Variants in CSF2RB observed in about 807,000 individuals in gnomAD.
The protein encoded by CSF2RB is colony stimulating factor 2 receptor subunit beta.
In CSF2RB, 22 loss-of-function variants were observed where a neutral mutation model predicts 67.2. That is an observed-to-expected ratio of 0.33 (90% confidence interval 0.23 to 0.47). The LOEUF (loss-of-function observed/expected upper bound fraction) is 0.47. CSF2RB is among the 20% of genes least tolerant of loss of function. The pLI, the probability that CSF2RB is intolerant of heterozygous loss-of-function variation, is 1.00. For synonymous variants in CSF2RB, 507 were observed against 482.9 expected (o/e 1.05, Z -0.65); for missense variants, 1,113 against 1,174.5 (o/e 0.95, Z 0.76).
chr22:36,930,727 G>A lies in CSF2RB; in HGVS notation c.909G>A (p.Arg303=), dbSNP rs756424237. 7 of 1,613,474 alleles carry A rather than the reference G, an allele frequency of 4.3e-6. No individual in the cohort carries two copies. The highest frequency in any genetic ancestry group is 1.7e-5 in the Admixed American group (1 of 60,018). Residue 303 remains arginine (R), a synonymous_variant, in exon 8 of 14, where the codon AGG becomes AGA. Coordinates refer to ENST00000403662, the MANE Select transcript of CSF2RB (RefSeq NM_000395.3). ...AGGGGCTCGGCAGCCTCCACACCAG[G>A]CACCACTGCCAGATTCCCGTGCCCG... is the stretch of plus-strand genomic sequence containing the variant. ...LREGLGSLHT[R]HHCQIPVPDP...
intron 1 of CSF2RB, among the ~76,000 whole-genome samples, chr22:36,921,313 GTCTGTGTCTGCC>G (rs1940863467): frequency 6.6e-6 from 1 of 151,616 alleles, no homozygotes; most frequent in African/African-American, 2.4e-5. Context: ...ATCTGTGTGT[GTCTGTGTCTGCC>G]TCTGTGTGTG....
At chr22:36,923,822 G>A (rs2086721723) in intron 3 of CSF2RB, 1 of 1,283,936 alleles carries the variant, frequency 7.8e-7, no homozygotes, top group South Asian at 1.2e-5. Flanking sequence ...CTGGAGGTGA[G>A]GTGCCAGCCC....
At chr22:36,935,256 G>T in intron 10 of CSF2RB, 95 bp from the exon 11 acceptor site, 1 of 1,117,680 alleles carries the variant, frequency 8.9e-7, no homozygotes. Context: ...CACAGAGCGG[G>T]GTCTTAAGGA....
chr22:36,917,734 C>G (rs1940756109), intron 1 of CSF2RB, among the ~76,000 whole-genome samples: 1 of 152,102 alleles, frequency 6.6e-6, no homozygotes, highest in African/African-American at 2.4e-5. Context: ...ACCAACCTGG[C>G]CAACATGGTG....
rs200225088 is a variant in CSF2RB at position 36,935,326 on chromosome 22, C to G, written c.1316-25C>G. 7.2e-5 allele frequency: 116 copies of G among 1,612,310 alleles called. 1 individual carries two copies. Among genetic ancestry groups the G allele is most frequent in the East Asian group, 4.7e-4 (21 of 44,878 alleles). On this transcript the variant is annotated intron_variant, in intron 10 of 13. Coordinates refer to ENST00000403662, the MANE Select transcript of CSF2RB (RefSeq NM_000395.3). The stretch of plus-strand genomic sequence containing the variant: ...GATTTCCCGCCCAGATGCTGACATT[C>G]CTCTTTCTCCCCGGCTGCTGGAAGT...
chr22:36,915,282 A>T (rs557188805), intron 1 of CSF2RB, among the ~76,000 whole-genome samples: 1 of 152,110 alleles, frequency 6.6e-6, no homozygotes, highest in African/African-American at 2.4e-5. Context: ...ACAGGGTTTC[A>T]CCATATTGGC....
intron 2 of CSF2RB, chr22:36,922,640 C>T: frequency 2.3e-6 from 1 of 427,440 alleles, no homozygotes. Context: ...TTTGCTCCTG[C>T]AGGGCCTTGG....
intron 12 of CSF2RB, 113 bp downstream of exon 12, chr22:36,935,800 T>G (rs1200787787): frequency 8.2e-7 from 1 of 1,216,484 alleles, no homozygotes; most frequent in Non-Finnish European, 1.2e-6. Context: ...GGGATGTAGG[T>G]GGACTGGGCT....
chr22:36,929,382 C>G lies in CSF2RB; in HGVS notation c.392-20C>G, dbSNP rs1455123926. On this transcript the variant is annotated intron_variant, in intron 4 of 13. Transcript: ENST00000403662. ...CCCAGCGGTCCAGCCCTTAGGTGCC[C>G]TTCACTTCCTCCCCTCCAGTCCAGC... The G allele has an allele frequency of 6.2e-7, 1 of 1,614,048 alleles. No homozygotes were observed. The highest frequency in any genetic ancestry group is 8.5e-7 in the Non-Finnish European group (1 of 1,180,032).
intron 3 of CSF2RB, 95 bp from the exon 4 acceptor site, chr22:36,925,892 T>A (rs1011176076): frequency 7.2e-7 from 1 of 1,386,124 alleles, no homozygotes. Flanking sequence ...CCCCTGATTC[T>A]GAACAGAGCC....
intron 1 of CSF2RB, among the ~76,000 whole-genome samples, chr22:36,918,011 A>G (rs1420945958): frequency 6.6e-6 from 1 of 152,198 alleles, no homozygotes; most frequent in Non-Finnish European, 1.5e-5. Context: ...TTCCAAAACA[A>G]GAGGAGATCT....
chr22:36,926,080 T>C lies in CSF2RB; in HGVS notation c.294T>C (p.Ile98=), dbSNP rs755545940. 4.3e-6 allele frequency: 7 copies of C among 1,614,216 alleles called. No homozygotes were observed. Among genetic ancestry groups the C allele is most frequent in the Non-Finnish European group, 5.9e-6 (7 of 1,180,028 alleles). The part of the protein sequence containing the change: ...HPRCVPRRCV[I]PCQSFVVTDV... ...GCTGCGTGCCCAGGAGATGTGTCATTCCCTGCCAGAGTTTTGTCGTCACTG... is the reference window on the plus strand; with the variant it reads ...GCTGCGTGCCCAGGAGATGTGTCATCCCCTGCCAGAGTTTTGTCGTCACTG... The change falls in exon 4 of 14, where the codon ATT becomes ATC. Residue 98 remains isoleucine, a synonymous_variant. Transcript: ENST00000403662.
chr22:36,929,024 G>A (rs1192306040), intron 4 of CSF2RB, among the ~76,000 whole-genome samples: 1 of 152,222 alleles, frequency 6.6e-6, no homozygotes, highest in Non-Finnish European at 1.5e-5. Context: ...GAGGAAGGGA[G>A]CTTGGACAGC....
intron 10 of CSF2RB, 123 bp downstream of exon 10, chr22:36,934,117 C>G (rs541620730): frequency 1.1e-4 from 148 of 1,307,218 alleles, no homozygotes; most frequent in East Asian, 1.5e-4. Flanking sequence ...GCCGTCTCCC[C>G]GATTAGATGG....
In CSF2RB at chr22:36,922,302, A is replaced by G; in HGVS notation, c.76+19A>G. 1 of 1,562,954 alleles carries G rather than the reference A, an allele frequency of 6.4e-7. No homozygotes were observed. The highest frequency in any genetic ancestry group is 8.7e-7 in the Non-Finnish European group (1 of 1,153,610). ...GCAGAAGGTGAGTCCCGTGGCTCCC[A>G]CCCACTTCCCTGTCCCTGTCCTCAC... On this transcript the variant is annotated intron_variant, in intron 2 of 13. Coordinates refer to ENST00000403662, the MANE Select transcript of CSF2RB (RefSeq NM_000395.3).
In CSF2RB at chr22:36,922,164, AC is replaced by A; in HGVS notation, c.-41del. 1 of 1,530,338 alleles carries A rather than the reference AC, an allele frequency of 6.5e-7. No individual in the cohort carries two copies. Among genetic ancestry groups the A allele is most frequent in the Non-Finnish European group, 8.8e-7 (1 of 1,130,044 alleles). 94.8% of individuals were successfully genotyped at this position (1,530,338 alleles called of 1,614,324 possible). A position where few individuals can be genotyped will look rare whatever the true frequency, so the allele number is the denominator to read the frequency against. ...GGACCCTGTCATGCCCATGGCCAGC[AC>A]CCACCAGTGCTGGTGCCTGCCTGTC... is the stretch of plus-strand genomic sequence containing the variant. On this transcript the variant is annotated 5_prime_UTR_variant, in exon 2 of 14. It removes the in-frame stop codon of an upstream open reading frame in the 5' UTR. Transcript: ENST00000403662.
At position 36,930,341 on chromosome 22, in the gene CSF2RB, T is replaced by C. The variant is rs375645946; in HGVS notation, c.719-34T>C. The stretch of plus-strand genomic sequence containing the variant: ...CACTGAGAGCTATGGGAGGGATGAA[T>C]GACGGAGTACATGAGGACCTGTCTC... On this transcript the variant is annotated intron_variant, in intron 6 of 13. Transcript: ENST00000403662. The C allele has an allele frequency of 5.0e-6, 8 of 1,612,712 alleles. No individual in the cohort carries two copies. In the African/African-American group the frequency reaches 8.0e-5, roughly 16 times the overall value.
At chr22:36,922,457 T>TCCTGCTCATC (rs1246217633) in intron 2 of CSF2RB, among the ~76,000 whole-genome samples, 174 bp downstream of exon 2, 1 of 152,146 alleles carries the variant, frequency 6.6e-6, no homozygotes. Context: ...TCCTGCACAT[T>TCCTGCTCATC]CCTGCTCATC....
In CSF2RB at chr22:36,930,484, A is replaced by G. The variant is rs371290321; in HGVS notation, c.828A>G (p.Leu276=). The G allele has an allele frequency of 3.7e-6, 6 of 1,613,448 alleles. No individual in the cohort carries two copies. The highest frequency in any genetic ancestry group is 5.1e-6 in the Non-Finnish European group (6 of 1,180,010). The part of the protein sequence containing the change: ...KEVASSVSFG[L]FYKPSPDAGE... Reference sequence around the variant, plus strand: ...TGGCCAGCTCGGTCTCCTTTGGCCTATTCTACAAGCCCAGCCCAGATGCAG... The same window carrying G: ...TGGCCAGCTCGGTCTCCTTTGGCCTGTTCTACAAGCCCAGCCCAGATGCAG... Residue 276 remains leucine (L), a synonymous_variant, in exon 7 of 14, where the codon CTA becomes CTG. Coordinates refer to ENST00000403662, the MANE Select transcript of CSF2RB (RefSeq NM_000395.3).
Sources: gnomAD v4.1 joint callset for allele counts (sites outside exome capture counted in the v4.1 genomes callset) on GRCh38, gnomAD v4.1.1 for gene constraint, MANE v1.5 for transcripts, NCBI Gene and HGNC (gene_info 2026-07-23, HGNC 2026-07-21) for gene names.